Variants in LRRC1 observed in about 807,000 individuals in gnomAD.
LRRC1 encodes leucine rich repeat containing 1.
LRRC1 carries 28 observed loss-of-function variants against 69.9 expected under a neutral mutation model. That is an observed-to-expected ratio of 0.40 (90% CI 0.30 to 0.55). LRRC1 has a LOEUF of 0.55. LRRC1 is among the 20% of genes least tolerant of loss of function. LRRC1 has a pLI of 0.47. For synonymous variants in LRRC1, 236 were observed against 240.2 expected (o/e 0.98, Z 0.16); for missense variants, 498 against 609.0 (o/e 0.82, Z 1.92).
chr6:53,841,302 T>C lies in LRRC1; in HGVS notation c.160-808T>C, dbSNP rs1765782543. On this transcript the variant is annotated intron_variant, in intron 1 of 13. Coordinates refer to ENST00000370888, the MANE Select transcript of LRRC1 (RefSeq NM_018214.5). ...TATATAAATTTTCAATCAGTTCTCC[T>C]TTCCTCAGAGGTACCTGGACCTAGT... is the stretch of plus-strand genomic sequence containing the variant. Among the ~76,000 whole-genome samples the C allele has an allele frequency of 2.0e-5, 3 of 152,202 alleles. No homozygotes were observed. In the South Asian group the frequency reaches 6.2e-4, roughly 31 times the overall value.
intron 2 of LRRC1, among the ~76,000 whole-genome samples, chr6:53,846,827 T>C (rs1765962077): frequency 6.6e-6 from 1 of 152,238 alleles, no homozygotes; most frequent in African/African-American, 2.4e-5. Context: ...TAACTGATTA[T>C]TAGCTGCTTG....
chr6:53,835,975 C>T (rs922294069), intron 1 of LRRC1, among the ~76,000 whole-genome samples: 1 of 152,156 alleles, frequency 6.6e-6, no homozygotes, highest in African/African-American at 2.4e-5. Flanking sequence ...GACCAATTTC[C>T]ATTGGCAGAA....
intron 1 of LRRC1, among the ~76,000 whole-genome samples, chr6:53,809,347 A>G (rs1013011737): frequency 6.6e-6 from 1 of 152,234 alleles, no homozygotes; most frequent in African/African-American, 2.4e-5. Context: ...CTTATAACAT[A>G]TTACACTTAT....
intron 1 of LRRC1, among the ~76,000 whole-genome samples, chr6:53,814,812 C>T (rs1359013514): frequency 6.6e-6 from 1 of 152,192 alleles, no homozygotes; most frequent in Non-Finnish European, 1.5e-5. Flanking sequence ...GCATTACTGT[C>T]TTTCTGGGCC....
At chr6:53,807,867 C>T (rs1011445817) in intron 1 of LRRC1, among the ~76,000 whole-genome samples, 3 of 152,194 alleles carry the variant, frequency 2.0e-5, no homozygotes, top group South Asian at 2.1e-4. Flanking sequence ...ACATTTGCAT[C>T]GATGGAGTGG....
In LRRC1 at chr6:53,825,121, C is replaced by T. The variant is rs191949436; in HGVS notation, c.160-16989C>T. Among the ~76,000 whole-genome samples the T allele has an allele frequency of 1.5e-4, 23 of 152,268 alleles. No individual in the cohort carries two copies. In the East Asian group the frequency reaches 4.0e-3, roughly 27 times the overall value. On this transcript the variant is annotated intron_variant, in intron 1 of 13. Transcript: ENST00000370888. ...GTGTTCCAGTGTGTGTTTCAGTGTCCTCTGCACTACTTAGTGTTGCCGGTA... is the reference window on the plus strand; with the variant it reads ...GTGTTCCAGTGTGTGTTTCAGTGTCTTCTGCACTACTTAGTGTTGCCGGTA...
At chr6:53,910,672 G>T (rs1274450617) in intron 10 of LRRC1, among the ~76,000 whole-genome samples, 2 of 152,136 alleles carry the variant, frequency 1.3e-5, no homozygotes, top group Non-Finnish European at 2.9e-5. Context: ...TCTATGATAG[G>T]CGCCAAATTA....
intron 4 of LRRC1, among the ~76,000 whole-genome samples, chr6:53,889,789 G>A (rs1767616050): frequency 6.6e-6 from 1 of 152,178 alleles, no homozygotes; most frequent in Admixed American, 6.5e-5. Flanking sequence ...TTCATAGTTT[G>A]TGAATTATAT....
At chr6:53,855,583 C>T (rs1041671873) in intron 2 of LRRC1, among the ~76,000 whole-genome samples, 4 of 152,206 alleles carry the variant, frequency 2.6e-5, no homozygotes, top group African/African-American at 7.2e-5. Context: ...CCTGCTTCCT[C>T]ATCTTACATT....
intron 1 of LRRC1, among the ~76,000 whole-genome samples, chr6:53,835,797 G>T (rs1183896513): frequency 6.6e-6 from 1 of 152,092 alleles, no homozygotes; most frequent in African/African-American, 2.4e-5. Flanking sequence ...AATCTACCCA[G>T]TTTTCATGTG....
At chr6:53,824,268 T>C (rs942317909) in intron 1 of LRRC1, among the ~76,000 whole-genome samples, 1 of 152,186 alleles carries the variant, frequency 6.6e-6, no homozygotes, top group Non-Finnish European at 1.5e-5. Flanking sequence ...TTTTTTCATA[T>C]GCTTGTTGGC....
At chr6:53,852,735 C>T (rs1045293176) in intron 2 of LRRC1, among the ~76,000 whole-genome samples, 1 of 152,074 alleles carries the variant, frequency 6.6e-6, no homozygotes, top group African/African-American at 2.4e-5. Context: ...ACTAGTTACC[C>T]TCTGAATTTG....
At chr6:53,835,492 A>G (rs1423397114) in intron 1 of LRRC1, among the ~76,000 whole-genome samples, 2 of 152,168 alleles carry the variant, frequency 1.3e-5, no homozygotes, top group African/African-American at 4.8e-5. Context: ...CCTCTACCAA[A>G]CACACTGACA....
chr6:53,845,158 C>G (rs1345859509), intron 2 of LRRC1, among the ~76,000 whole-genome samples: 1 of 152,160 alleles, frequency 6.6e-6, no homozygotes, highest in Non-Finnish European at 1.5e-5. Flanking sequence ...GAGGCAAGAT[C>G]ACGCCATTGC....
intron 1 of LRRC1, among the ~76,000 whole-genome samples, chr6:53,827,442 A>G (rs1395022670): frequency 6.6e-6 from 1 of 152,060 alleles, no homozygotes; most frequent in Non-Finnish European, 1.5e-5. Context: ...GTTTATTACT[A>G]CAGGGGGCTC....
chr6:53,901,209 TA>T (rs1768046807), intron 8 of LRRC1, among the ~76,000 whole-genome samples: 1 of 152,210 alleles, frequency 6.6e-6, no homozygotes. Flanking sequence ...AGAGATGTAT[TA>T]CAGCTTTCTG....
At chr6:53,899,926 T>C in intron 8 of LRRC1, 35 bp downstream of exon 8, 3 of 1,586,632 alleles carry the variant, frequency 1.9e-6, no homozygotes, top group Non-Finnish European at 2.6e-6. Flanking sequence ...CTAAACATAC[T>C]GCCTGCCGTC....
chr6:53,812,455 C>T (rs1481841366), intron 1 of LRRC1, among the ~76,000 whole-genome samples: 5 of 152,042 alleles, frequency 3.3e-5, no homozygotes, highest in African/African-American at 1.2e-4. Flanking sequence ...CTTTGGGAGG[C>T]CGAGGCGGGC....
At chr6:53,866,073 T>C (rs1251559057) in intron 2 of LRRC1, among the ~76,000 whole-genome samples, 1 of 152,070 alleles carries the variant, frequency 6.6e-6, no homozygotes, top group South Asian at 2.1e-4. Flanking sequence ...TTCCTCTGGT[T>C]TGAGTGTGTC....
Sources: gnomAD v4.1 joint callset for allele counts (sites outside exome capture counted in the v4.1 genomes callset) on GRCh38, gnomAD v4.1.1 for gene constraint, MANE v1.5 for transcripts, NCBI Gene and HGNC (gene_info 2026-07-23, HGNC 2026-07-21) for gene names.